Variants in SPICE1 observed in about 807,000 individuals in gnomAD.
SPICE1 encodes spindle and centriole-associated protein 1.
SPICE1 carries 75 observed loss-of-function variants against 102.7 expected under a neutral mutation model. That is an observed-to-expected ratio of 0.73 (90% CI 0.61 to 0.88). The LOEUF (loss-of-function observed/expected upper bound fraction) is 0.88, where lower values mean the gene tolerates loss of function less well. Among genes scored for constraint, SPICE1 ranks in the 40% least tolerant of loss-of-function variants. The pLI is 0.00. For missense variants in SPICE1, 979 were observed against 1,020.1 expected, an observed-to-expected ratio of 0.96 and a Z score of 0.55; for synonymous variants, 308 against 350.3, an observed-to-expected ratio of 0.88 and a Z score of 1.35.
At chr3:113,505,413 A>G (rs1937089698) in intron 2 of SPICE1, among the ~76,000 whole-genome samples, 2 of 152,310 alleles carry the variant, frequency 1.3e-5, no homozygotes, top group South Asian at 2.1e-4. Context: ...ATCTAAACAC[A>G]GAGAAGTCCC....
chr3:113,461,010 A>C (rs1032777965), intron 11 of SPICE1, among the ~76,000 whole-genome samples: 1 of 152,108 alleles, frequency 6.6e-6, no homozygotes, highest in Non-Finnish European at 1.5e-5. Context: ...TAAATCATGA[A>C]ACAGTAATTA....
At chr3:113,474,981 T>C (rs997925289) in intron 7 of SPICE1, among the ~76,000 whole-genome samples, 2 of 152,034 alleles carry the variant, frequency 1.3e-5, no homozygotes, top group Non-Finnish European at 2.9e-5. Context: ...TTCAAAAAAG[T>C]AATGAATCCA....
intron 7 of SPICE1, among the ~76,000 whole-genome samples, chr3:113,482,695 T>C (rs936442583): frequency 1.3e-5 from 2 of 152,020 alleles, no homozygotes; most frequent in African/African-American, 4.8e-5. Context: ...GTCTTGGGTT[T>C]GTCAAAGGTC....
Position 113,506,551 on chromosome 3 carries a change from G to GT in SPICE1, c.54dup (p.Pro19ThrfsTer16). 6.2e-7 allele frequency: 1 copy of GT among 1,612,960 alleles called. No individual in the cohort carries two copies. The highest frequency in any genetic ancestry group is 8.5e-7 in the Non-Finnish European group (1 of 1,179,604). On this transcript the variant is annotated frameshift_variant, in exon 2 of 18. Transcript: ENST00000295872. LOFTEE classifies it high-confidence loss of function. ...GAAGTTTTCTTCTTCTTTACTTTCG[G>GT]TGTCTTTCTTACACCAACTCGGGGA...
intron 11 of SPICE1, among the ~76,000 whole-genome samples, chr3:113,465,100 CAAA>C (rs35595850): frequency 8.4e-5 from 11 of 131,410 alleles, no homozygotes; most frequent in Non-Finnish European, 8.4e-5. Flanking sequence ...GACACCATCT[CAAA>C]AAAAAAAAAA....
chr3:113,497,789 G>A (rs1350940493), intron 4 of SPICE1, among the ~76,000 whole-genome samples: 1 of 138,666 alleles, frequency 7.2e-6, no homozygotes, highest in Non-Finnish European at 1.5e-5. Context: ...TCAGCTCACT[G>A]CAACCCGGAT....
intron 16 of SPICE1, 138 bp from the exon 17 acceptor site, chr3:113,446,814 T>C: frequency 2.9e-6 from 2 of 693,832 alleles, no homozygotes; most frequent in Non-Finnish European, 5.1e-6. Flanking sequence ...CGAGGTAAAT[T>C]ATTTGTAACT....
chr3:113,510,698 TAC>T (rs1404486709), intron 1 of SPICE1, among the ~76,000 whole-genome samples: 1 of 152,146 alleles, frequency 6.6e-6, no homozygotes, highest in Admixed American at 6.5e-5. Flanking sequence ...ATTCAGCACA[TAC>T]ACACAGGCAA....
Position 113,493,090 on chromosome 3 carries a change from G to C in SPICE1, c.492+116C>G, listed in dbSNP as rs1253050362. The C allele has an allele frequency of 8.5e-6, 6 of 705,594 alleles. No homozygotes were observed. In the East Asian group the frequency reaches 1.7e-4, roughly 20 times the overall value. The allele number at this position is 705,594 out of a possible 1,614,324, so 43.7% of individuals were successfully genotyped here. A position where few individuals can be genotyped will look rare whatever the true frequency, so the allele number is the denominator to read the frequency against. ...TGCAATACACTTAAGAGCAAATCTAGCAACCACAACTAGCACTTGTTGATA... is the reference window on the plus strand; with the variant it reads ...TGCAATACACTTAAGAGCAAATCTACCAACCACAACTAGCACTTGTTGATA... On this transcript the variant is annotated intron_variant, in intron 6 of 17. Coordinates refer to ENST00000295872, the MANE Select transcript of SPICE1 (RefSeq NM_144718.4).
chr3:113,494,896 T>C (rs1475243360), intron 4 of SPICE1, among the ~76,000 whole-genome samples: 1 of 152,242 alleles, frequency 6.6e-6, no homozygotes, highest in Non-Finnish European at 1.5e-5. Context: ...GATATGAATC[T>C]TTGAGCCATA....
chr3:113,501,480 TAAG>T (rs1161523199), intron 3 of SPICE1, among the ~76,000 whole-genome samples: 4 of 152,062 alleles, frequency 2.6e-5, no homozygotes, highest in Non-Finnish European at 5.9e-5. Context: ...AAAAAACAAC[TAAG>T]AAAATGGGAG....
chr3:113,500,089 T>C lies in SPICE1; in HGVS notation c.148-507A>G, dbSNP rs140704990. Among the ~76,000 whole-genome samples the C allele has an allele frequency of 7.4e-4, 112 of 152,230 alleles. 1 individual carries two copies. In the Middle Eastern group the frequency reaches 0.02, roughly 28 times the overall value. ...TAATGTAGTGTTTATAGCCCTTCAA[T>C]GGCCTCATGTGGGAGTGGGTCACTG... On this transcript the variant is annotated intron_variant, in intron 3 of 17. Coordinates refer to ENST00000295872, the MANE Select transcript of SPICE1 (RefSeq NM_144718.4).
intron 12 of SPICE1, among the ~76,000 whole-genome samples, chr3:113,458,311 T>C (rs1328103653): frequency 6.6e-6 from 1 of 152,126 alleles, no homozygotes; most frequent in Non-Finnish European, 1.5e-5. Context: ...GCAACCTCCC[T>C]GCCTGATTCT....
chr3:113,504,151 A>G (rs2399477), intron 2 of SPICE1, among the ~76,000 whole-genome samples: 38,640 of 151,954 alleles, frequency 0.25, 5,315 homozygotes, highest in African/African-American at 0.36. Flanking sequence ...CATTAATATC[A>G]GAGTCCGTGT....
intron 4 of SPICE1, among the ~76,000 whole-genome samples, chr3:113,498,238 A>G (rs1213675545): frequency 6.6e-6 from 1 of 152,196 alleles, no homozygotes; most frequent in African/African-American, 2.4e-5. Flanking sequence ...GTGAGAGTTG[A>G]GAACCACTAT....
chr3:113,500,743 A>G (rs1306290082), intron 3 of SPICE1, among the ~76,000 whole-genome samples: 1 of 152,162 alleles, frequency 6.6e-6, no homozygotes, highest in Admixed American at 6.6e-5. Flanking sequence ...TTTTTCATTT[A>G]AAAAATATTA....
chr3:113,460,922 A>G (rs1251133369), intron 11 of SPICE1, among the ~76,000 whole-genome samples, 158 bp from the exon 12 acceptor site: 1 of 152,212 alleles, frequency 6.6e-6, no homozygotes, highest in African/African-American at 2.4e-5. Flanking sequence ...TACTTCAGGA[A>G]TTTGAGACTT....
At chr3:113,492,942 A>G (rs1936796994) in intron 6 of SPICE1, among the ~76,000 whole-genome samples, 2 of 152,158 alleles carry the variant, frequency 1.3e-5, no homozygotes, top group South Asian at 4.2e-4. Context: ...AATTTTTCTC[A>G]GCTTCAATTT....
At position 113,489,997 on chromosome 3, in the gene SPICE1, T is replaced by C. The variant is rs577143007; in HGVS notation, c.493-934A>G. On this transcript the variant is annotated intron_variant, in intron 6 of 17. Transcript: ENST00000295872. ...TTTTCTACCCTTTCCTTGTATCTGA[T>C]GATGTGACTCAAGTCACATCACACC... Among the ~76,000 whole-genome samples the C allele has an allele frequency of 7.2e-5, 11 of 152,288 alleles. No individual in the cohort carries two copies. The South Asian group carries it at 2.3e-3, about 32-fold the overall frequency.
Sources: allele counts gnomAD v4.1 joint callset (sites outside exome capture counted in the v4.1 genomes callset), GRCh38; gene constraint gnomAD v4.1.1; transcripts MANE v1.5; gene names NCBI Gene and HGNC (gene_info 2026-07-23, HGNC 2026-07-21).